LHX4: variants seen among roughly 807,000 people sequenced by gnomAD.
The protein encoded by LHX4 is LIM homeobox 4.
Under a neutral mutation model 39.2 loss-of-function variants are expected in LHX4, and 16 were observed. That is an observed-to-expected ratio of 0.41 (90% CI 0.28 to 0.62). The LOEUF (loss-of-function observed/expected upper bound fraction) is 0.62, where lower values mean the gene tolerates loss of function less well. Ranked by LOEUF, LHX4 falls within the 20% of genes least tolerant of loss-of-function variation. The pLI, the probability that LHX4 is intolerant of heterozygous loss-of-function variation, is 0.33. For synonymous variants in LHX4, 206 were observed against 198.1 expected, an observed-to-expected ratio of 1.04 and a Z score of -0.33; for missense variants, 439 against 511.9, an observed-to-expected ratio of 0.86 and a Z score of 1.37.
At position 180,278,836 on chromosome 1, in the gene LHX4, AAG is replaced by A. The variant is rs1250279816; in HGVS notation, c.*4259_*4260del. On this transcript the variant is annotated 3_prime_UTR_variant, in exon 6 of 6. Transcript: ENST00000263726. ...GTTTCCTGGGGAAAAAAAAGAAAAA[AAG>A]AAAAAAAAAAGACCCACCCATCCTT... The A allele has an allele frequency of 1.3e-5, 2 of 149,980 alleles. No individual in the cohort carries two copies. The highest frequency in any genetic ancestry group is 5.1e-5 in the African/African-American group (2 of 39,324). 9.3% of individuals were successfully genotyped at this position (149,980 alleles called of 1,614,324 possible).
Position 180,266,129 on chromosome 1 carries a change from C to T in LHX4, c.249-263C>T, listed in dbSNP as rs989716772. ...GGGTGTTAATCGGGCAGCTGGAATC[C>T]GGGGGCATCAGCTTTGGAAAAGGTA... On this transcript the variant is annotated intron_variant, in intron 2 of 5. Transcript: ENST00000263726. The surrounding 1 kb of genome is among the most constrained non-coding windows in gnomAD (Gnocchi z 5.7). Among the ~76,000 whole-genome samples the T allele has an allele frequency of 2.0e-5, 3 of 152,120 alleles. No homozygotes were observed. The highest frequency in any genetic ancestry group is 6.5e-5 in the Admixed American group (1 of 15,274).
rs376047858 is a variant in LHX4 at position 180,235,309 on chromosome 1, G to A, written c.76+4704G>A. Among the ~76,000 whole-genome samples the A allele has an allele frequency of 7.9e-5, 12 of 152,362 alleles. No homozygotes were observed. The East Asian group carries it at 2.1e-3, about 27-fold the overall frequency. On this transcript the variant is annotated intron_variant, in intron 1 of 5. Coordinates refer to ENST00000263726, the MANE Select transcript of LHX4 (RefSeq NM_033343.4). ...ACTGAGCTGGAATTAGCCAGGCCTGGGACCCCTTTGCTGCCCTTTAGAGTG... is the reference window on the plus strand; with the variant it reads ...ACTGAGCTGGAATTAGCCAGGCCTGAGACCCCTTTGCTGCCCTTTAGAGTG...
At position 180,248,422 on chromosome 1, in the gene LHX4, G is replaced by A; in HGVS notation, c.214G>A (p.Ala72Thr). ...MQLADRCFSR[A>T]GSVYCKEDFF... ...GCTGGCGGACAGGTGCTTCTCCAGG[G>A]CTGGGAGCGTCTACTGCAAGGAGGA... Residue 72 changes from alanine (A) to threonine (T), a missense_variant, in exon 2 of 6, where the codon GCT becomes ACT. Ala to Thr is a moderately conservative substitution (Grantham distance 58). Transcript: ENST00000263726. 3 of 1,614,224 alleles carry A rather than the reference G, an allele frequency of 1.9e-6. No individual in the cohort carries two copies. The highest frequency in any genetic ancestry group is 1.7e-6 in the Non-Finnish European group (2 of 1,180,048).
At chr1:180,255,025 C>G (rs368198296) in intron 2 of LHX4, among the ~76,000 whole-genome samples, 1 of 152,244 alleles carries the variant, frequency 6.6e-6, no homozygotes, top group Non-Finnish European at 1.5e-5. Context: ...CAGTGAGGAG[C>G]CGGCCTGCAT....
At chr1:180,240,061 A>G (rs961948971) in intron 1 of LHX4, among the ~76,000 whole-genome samples, 3 of 152,250 alleles carry the variant, frequency 2.0e-5, no homozygotes, top group Admixed American at 2.0e-4. Flanking sequence ...AGAACACTTC[A>G]TCCAGAAGGC....
At chr1:180,229,964 A>AGGCGGGGGGGGC, upstream of LHX4, among the ~76,000 whole-genome samples, 1 of 73,488 alleles carries the variant, frequency 1.4e-5, no homozygotes, top group African/African-American at 9.0e-5. Context: ...GGAGGCGGGG[A>AGGCGGGGGGGGC]GGGGGGGGGG....
Position 180,236,281 on chromosome 1 carries a change from C to T in LHX4, c.76+5676C>T, listed in dbSNP as rs147940883. On this transcript the variant is annotated intron_variant, in intron 1 of 5. Transcript: ENST00000263726. ...TAGACAAAAACTTGGGCCACAGGGG[C>T]ATCTTGTATTTTGAACAGTGACCCG... 7.7e-3 allele frequency among the ~76,000 whole-genome samples: 1,178 copies of T among 152,240 alleles called. 11 individuals are homozygous for T. The highest frequency in any genetic ancestry group is 0.024 in the Middle Eastern group (7 of 294).
intron 1 of LHX4, among the ~76,000 whole-genome samples, chr1:180,237,647 ACCCTGTT>A (rs561896514): frequency 1.1e-4 from 16 of 152,060 alleles, no homozygotes; most frequent in Non-Finnish European, 2.1e-4. Flanking sequence ...AGATCTCCCC[ACCCTGTT>A]CCCTCTGTCA....
Position 180,266,688 on chromosome 1 carries a change from C to T in LHX4, c.451+94C>T. Reference sequence around the variant, plus strand: ...GCCCTTCTCATGGCGTCCCACCTGCCCATCCCTCAGAGCCCTACTCATGCA... The same window carrying T: ...GCCCTTCTCATGGCGTCCCACCTGCTCATCCCTCAGAGCCCTACTCATGCA... On this transcript the variant is annotated intron_variant, in intron 3 of 5. Transcript: ENST00000263726. This position sits in a 1 kb window ranked among gnomAD's most constrained non-coding sequence, Gnocchi z 5.7. The T allele has an allele frequency of 1.6e-6, 2 of 1,246,860 alleles. No individual in the cohort carries two copies. The highest frequency in any genetic ancestry group is 5.0e-5 in the East Asian group (2 of 39,762). 77.2% of individuals were successfully genotyped at this position (1,246,860 alleles called of 1,614,324 possible). A position where few individuals can be genotyped will look rare whatever the true frequency, so the allele number is the denominator to read the frequency against.
At chr1:180,264,005 C>T (rs1648212553) in intron 2 of LHX4, among the ~76,000 whole-genome samples, 2 of 152,100 alleles carry the variant, frequency 1.3e-5, no homozygotes, top group South Asian at 4.1e-4. Flanking sequence ...GCTCTGTTGC[C>T]CAGGCTGGAG....
intron 1 of LHX4, among the ~76,000 whole-genome samples, chr1:180,245,222 C>T (rs545884125): frequency 1.3e-5 from 2 of 152,336 alleles, no homozygotes; most frequent in African/African-American, 4.8e-5. Context: ...AAACCCGCTC[C>T]CCCTTGCCCT....
rs879644294 is a variant in LHX4, at chr1:180,276,321, T to C, written c.*1742T>C. 1 of 136,760 alleles carries C rather than the reference T, an allele frequency of 7.3e-6. No homozygotes were observed. The highest frequency in any genetic ancestry group is 2.2e-4 in the East Asian group (1 of 4,538). 8.5% of individuals were successfully genotyped at this position (136,760 alleles called of 1,614,324 possible). A position where few individuals can be genotyped will look rare whatever the true frequency, so the allele number is the denominator to read the frequency against. On this transcript the variant is annotated 3_prime_UTR_variant, in exon 6 of 6. Coordinates refer to ENST00000263726, the MANE Select transcript of LHX4 (RefSeq NM_033343.4). ...GACTGCTACATCTTTTGTAAGCCCT[T>C]TTCCAGGACTAAACTAAGTTCAATT...
intron 2 of LHX4, among the ~76,000 whole-genome samples, chr1:180,260,914 C>A (rs759920586): frequency 4.3e-4 from 65 of 151,904 alleles, no homozygotes; most frequent in Non-Finnish European, 8.5e-4. Context: ...AGCTAGGGGT[C>A]GGCACCTCAC....
chr1:180,245,804 A>AG (rs71118444), intron 1 of LHX4, among the ~76,000 whole-genome samples: 65,795 of 151,852 alleles, frequency 0.43, 14,585 homozygotes, highest in Non-Finnish European at 0.47. Context: ...CATTTTTCCA[A>AG]TTTAAAAAGC....
chr1:180,249,226 C>T (rs1283834584), intron 2 of LHX4, among the ~76,000 whole-genome samples: 2 of 152,204 alleles, frequency 1.3e-5, no homozygotes, highest in Non-Finnish European at 2.9e-5. Flanking sequence ...GTGCCTGACA[C>T]TTGAGTGTTA....
chr1:180,254,338 C>A (rs919878411), intron 2 of LHX4, among the ~76,000 whole-genome samples: 1 of 152,248 alleles, frequency 6.6e-6, no homozygotes, highest in African/African-American at 2.4e-5. Context: ...CGCAGGGGAG[C>A]TGTGCGGCTG....
chr1:180,260,137 G>A (rs989506700), intron 2 of LHX4, among the ~76,000 whole-genome samples: 17 of 151,682 alleles, frequency 1.1e-4, no homozygotes, highest in South Asian at 6.2e-4. Flanking sequence ...GGTGAGTGCC[G>A]GGGCATTGGG....
chr1:180,256,306 C>A (rs1352464295), intron 2 of LHX4, among the ~76,000 whole-genome samples: 1 of 152,230 alleles, frequency 6.6e-6, no homozygotes, highest in Non-Finnish European at 1.5e-5. Context: ...AGCCTTACTC[C>A]CTGCTGGTCC....
At chr1:180,237,663 C>G (rs1467500852) in intron 1 of LHX4, among the ~76,000 whole-genome samples, 1 of 152,198 alleles carries the variant, frequency 6.6e-6, no homozygotes, top group African/African-American at 2.4e-5. Flanking sequence ...TTCCCTCTGT[C>G]AGTCTGGGTC....
Sources: allele counts gnomAD v4.1 joint callset (sites outside exome capture counted in the v4.1 genomes callset), GRCh38; gene constraint gnomAD v4.1.1; non-coding constraint Gnocchi (gnomAD v3.1); transcripts MANE v1.5; gene names NCBI Gene and HGNC (gene_info 2026-07-23, HGNC 2026-07-21).